The following GRM1 variants were observed in gnomAD, a reference collection of about 807,000 sequenced individuals.
GRM1 encodes glutamate metabotropic receptor 1.
Under a neutral mutation model 90.9 loss-of-function variants are expected in GRM1, and 33 were observed. The ratio of observed to expected loss-of-function variants is 0.36; its 90% CI spans 0.28 to 0.49. The LOEUF (loss-of-function observed/expected upper bound fraction) is 0.49, where lower values mean the gene tolerates loss of function less well. Among genes scored for constraint, GRM1 ranks in the 20% least tolerant of loss-of-function variants. The pLI, the probability that GRM1 is intolerant of heterozygous loss-of-function variation, is 0.99. For missense variants in GRM1, 1,190 were observed against 1,534.3 expected (o/e 0.78, Z 3.75); for synonymous variants, 700 against 613.2 (o/e 1.14, Z -2.09).
At chr6:146,230,899 T>C (rs193171486) in intron 2 of GRM1, among the ~76,000 whole-genome samples, 234 of 152,178 alleles carry the variant, frequency 1.5e-3, no homozygotes, top group Non-Finnish European at 2.2e-3. Context: ...GTGAGAGATG[T>C]CAATCTGAAA....
At chr6:146,061,709 T>G (rs550455395) in intron 1 of GRM1, among the ~76,000 whole-genome samples, 41 of 152,072 alleles carry the variant, frequency 2.7e-4, no homozygotes, top group African/African-American at 8.9e-4. Context: ...AACAAACATG[T>G]GAAAAAAAGC....
intron 7 of GRM1, among the ~76,000 whole-genome samples, chr6:146,422,218 C>T (rs1778021087): frequency 6.6e-6 from 1 of 152,130 alleles, no homozygotes; most frequent in South Asian, 2.1e-4. Context: ...TGTGCCTCAC[C>T]TGTTCCTGAC....
intron 1 of GRM1, among the ~76,000 whole-genome samples, chr6:146,053,630 G>A (rs757387222): frequency 8.5e-5 from 13 of 152,086 alleles, no homozygotes; most frequent in South Asian, 4.2e-4. Context: ...TTTTTTTGTG[G>A]CACAGCAGAT....
intron 3 of GRM1, among the ~76,000 whole-genome samples, chr6:146,324,524 T>C (rs1323027415): frequency 6.6e-6 from 1 of 152,180 alleles, no homozygotes; most frequent in Non-Finnish European, 1.5e-5. Context: ...CCACCCAGTT[T>C]TGTGCTTGAA....
At chr6:146,142,932 C>T (rs75136937) in intron 1 of GRM1, among the ~76,000 whole-genome samples, 1,867 of 152,304 alleles carry the variant, frequency 0.012, 80 homozygotes, top group East Asian at 0.093. Context: ...ATGTCCTCTT[C>T]ACTTTTCTCT....
intron 6 of GRM1, among the ~76,000 whole-genome samples, chr6:146,392,003 T>C (rs1352830450): frequency 6.6e-6 from 1 of 152,174 alleles, no homozygotes; most frequent in East Asian, 1.9e-4. Context: ...AGAGTTATTT[T>C]ATAGCTAGAT....
intron 2 of GRM1, among the ~76,000 whole-genome samples, chr6:146,241,414 A>G (rs960293120): frequency 2.0e-5 from 3 of 152,150 alleles, no homozygotes; most frequent in African/African-American, 7.2e-5. Flanking sequence ...CATTTCTTAA[A>G]AGGGAATAAT....
chr6:146,285,097 A>G (rs1782707370), intron 2 of GRM1, among the ~76,000 whole-genome samples: 1 of 152,172 alleles, frequency 6.6e-6, no homozygotes. Flanking sequence ...TGTCATCTAG[A>G]CAAATTTCTA....
intron 1 of GRM1, among the ~76,000 whole-genome samples, chr6:146,091,932 G>C (rs1228776059): frequency 6.6e-6 from 1 of 152,060 alleles, no homozygotes; most frequent in Non-Finnish European, 1.5e-5. Context: ...GGCATCTTTG[G>C]ACTGTTGAGA....
chr6:146,345,054 A>G lies in GRM1; in HGVS notation c.1187-7196A>G, dbSNP rs147636955. ...TCAAACTCTTGATCTCAGGTGATCC[A>G]CCCTCCTCAGCCTCCCAAAGTGCTG... On this transcript the variant is annotated intron_variant, in intron 3 of 7. Transcript: ENST00000282753. Among the ~76,000 whole-genome samples the G allele has an allele frequency of 9.2e-5, 14 of 152,082 alleles. No individual in the cohort carries two copies. The East Asian group carries it at 2.7e-3, about 29-fold the overall frequency.
rs1358909047 is a variant in GRM1 at position 146,140,138 on chromosome 6, T to TTTCC, written c.701-19198_701-19195dup. On this transcript the variant is annotated intron_variant, in intron 1 of 7. Coordinates refer to ENST00000282753, the MANE Select transcript of GRM1 (RefSeq NM_001278064.2). ...CTTTCTTTCTTTCTTTCTTTCTTTC[T>TTTCC]TTCCTTCCTTCCTTCTTTCTCCTTC... is the stretch of plus-strand genomic sequence containing the variant. 4.1e-3 allele frequency among the ~76,000 whole-genome samples: 525 copies of TTTCC among 128,228 alleles called. 17 individuals are homozygous for TTTCC. The highest frequency in any genetic ancestry group is 0.017 in the Admixed American group (199 of 11,622). 84.1% of individuals were successfully genotyped at this position (128,228 alleles called of 152,430 possible).
intron 2 of GRM1, among the ~76,000 whole-genome samples, chr6:146,256,076 A>G (rs1781467170): frequency 6.6e-6 from 1 of 152,266 alleles, no homozygotes. Flanking sequence ...ACTTACATCT[A>G]CTGGCTCGGA....
intron 1 of GRM1, among the ~76,000 whole-genome samples, chr6:146,083,340 G>A (rs1457506609): frequency 6.6e-6 from 1 of 152,078 alleles, no homozygotes; most frequent in Non-Finnish European, 1.5e-5. Context: ...TCCAGCTTTT[G>A]CCCATTCAGT....
At chr6:146,408,525 C>T (rs975647487) in intron 7 of GRM1, among the ~76,000 whole-genome samples, 5 of 151,996 alleles carry the variant, frequency 3.3e-5, no homozygotes, top group African/African-American at 4.8e-5. Context: ...ATTGTTAGCC[C>T]GTGACATTAA....
At chr6:146,143,528 A>G (rs567647739) in intron 1 of GRM1, among the ~76,000 whole-genome samples, 2 of 152,264 alleles carry the variant, frequency 1.3e-5, no homozygotes, top group South Asian at 4.1e-4. Context: ...TGGTTTTGTC[A>G]TATGTTGGGT....
chr6:146,089,132 T>C (rs1776636906), intron 1 of GRM1, among the ~76,000 whole-genome samples: 1 of 152,098 alleles, frequency 6.6e-6, no homozygotes, highest in Non-Finnish European at 1.5e-5. Flanking sequence ...GCAGACTCAC[T>C]CTGAGACTCT....
intron 2 of GRM1, among the ~76,000 whole-genome samples, chr6:146,275,523 T>C (rs966084328): frequency 1.3e-5 from 2 of 152,042 alleles, no homozygotes; most frequent in Admixed American, 1.3e-4. Flanking sequence ...TCTCTCGCTC[T>C]CTGTCTCTCT....
intron 2 of GRM1, among the ~76,000 whole-genome samples, chr6:146,287,092 G>A (rs1489545059): frequency 2.0e-5 from 3 of 152,146 alleles, no homozygotes; most frequent in African/African-American, 4.8e-5. Flanking sequence ...ATTATTGCTC[G>A]AATAATCTGT....
At chr6:146,168,234 T>G (rs1777979406) in intron 2 of GRM1, among the ~76,000 whole-genome samples, 1 of 151,994 alleles carries the variant, frequency 6.6e-6, no homozygotes, top group Non-Finnish European at 1.5e-5. Flanking sequence ...TTATCTCTAT[T>G]TTTGGCTTAC....
Sources: allele counts gnomAD v4.1 joint callset (sites outside exome capture counted in the v4.1 genomes callset), GRCh38; gene constraint gnomAD v4.1.1; transcripts MANE v1.5; gene names NCBI Gene and HGNC (gene_info 2026-07-23, HGNC 2026-07-21).